SV2C: variants seen among roughly 807,000 people sequenced by gnomAD.
SV2C encodes synaptic vesicle glycoprotein 2C.
A neutral mutation model predicts 79.7 loss-of-function variants in SV2C; 49 were observed. The observed-to-expected ratio is 0.61, with a 90% CI of 0.49 to 0.78. The LOEUF (loss-of-function observed/expected upper bound fraction) is 0.78, where lower values mean the gene tolerates loss of function less well. Among genes scored for constraint, SV2C ranks in the 30% least tolerant of loss-of-function variants. SV2C has a pLI of 0.00. For synonymous variants in SV2C, 334 were observed against 333.2 expected, an observed-to-expected ratio of 1.00 and a Z score of -0.03; for missense variants, 833 against 912.9, an observed-to-expected ratio of 0.91 and a Z score of 1.13.
chr5:76,065,977 A>T, the SV2C span, among the ~76,000 whole-genome samples: 1 of 151,900 alleles, frequency 6.6e-6, no homozygotes, highest in Non-Finnish European at 1.5e-5. Flanking sequence ...TTTTTCCTTA[A>T]CCCCTCAAAT....
chr5:75,903,870 A>G, the SV2C span, among the ~76,000 whole-genome samples: 2 of 152,248 alleles, frequency 1.3e-5, no homozygotes, highest in African/African-American at 4.8e-5. Context: ...TCATGGCAGA[A>G]TTATCAACTT....
At chr5:76,322,171 TA>T (rs1476703961) in intron 12 of SV2C, among the ~76,000 whole-genome samples, 1 of 152,188 alleles carries the variant, frequency 6.6e-6, no homozygotes, top group East Asian at 1.9e-4. Context: ...AGAAAGCTGA[TA>T]AGCAACTTCA....
chr5:76,048,663 TGA>T, the SV2C span, among the ~76,000 whole-genome samples: 1,132 of 151,774 alleles, frequency 7.5e-3, 16 homozygotes, highest in African/African-American at 0.026. Context: ...TTTGAGAGCA[TGA>T]GAGAGAGCTA....
intron 9 of SV2C, among the ~76,000 whole-genome samples, chr5:76,298,282 T>A (rs778163167): frequency 1.4e-4 from 21 of 151,578 alleles, no homozygotes; most frequent in Non-Finnish European, 7.4e-5. Context: ...AGAATTCTCA[T>A]GCTCTCTCTT....
At chr5:76,008,255 G>C in the SV2C span, among the ~76,000 whole-genome samples, 1 of 152,168 alleles carries the variant, frequency 6.6e-6, no homozygotes, top group South Asian at 2.1e-4. Context: ...AACTGAAGGT[G>C]AACACTTGTC....
intron 4 of SV2C, among the ~76,000 whole-genome samples, chr5:76,234,421 T>G (rs902688342): frequency 4.6e-5 from 7 of 152,260 alleles, no homozygotes; most frequent in Non-Finnish European, 1.0e-4. Flanking sequence ...GTTCTTTCAA[T>G]GATCTTATAC....
chr5:76,261,010 T>C (rs567084073), intron 4 of SV2C, among the ~76,000 whole-genome samples: 7 of 152,360 alleles, frequency 4.6e-5, no homozygotes, highest in Non-Finnish European at 1.0e-4. Flanking sequence ...GGGAATAGCA[T>C]TGAATCTATA....
chr5:76,163,883 G>A (rs1341633903), intron 2 of SV2C, among the ~76,000 whole-genome samples: 1 of 152,166 alleles, frequency 6.6e-6, no homozygotes, highest in African/African-American at 2.4e-5. Context: ...CAAATGGAAG[G>A]AACCTCTGCA....
chr5:75,983,165 C>T, the SV2C span, among the ~76,000 whole-genome samples: 1 of 151,864 alleles, frequency 6.6e-6, no homozygotes, highest in African/African-American at 2.4e-5. Flanking sequence ...TACAACAGAC[C>T]CTCATAACAC....
the SV2C span, among the ~76,000 whole-genome samples, chr5:76,050,572 C>A: frequency 2.0e-5 from 3 of 150,732 alleles, no homozygotes; most frequent in Non-Finnish European, 4.4e-5. Context: ...AATTCTTGAT[C>A]TCTCTCTCTC....
chr5:76,126,039 G>A (rs1404518636), intron 1 of SV2C, among the ~76,000 whole-genome samples: 2 of 152,092 alleles, frequency 1.3e-5, no homozygotes, highest in Non-Finnish European at 2.9e-5. Flanking sequence ...GTGGGAGAGT[G>A]AGGCCCTGTC....
chr5:76,349,243 G>A (rs1363519797), intron 12 of SV2C, among the ~76,000 whole-genome samples: 1 of 152,218 alleles, frequency 6.6e-6, no homozygotes, highest in Non-Finnish European at 1.5e-5. Flanking sequence ...CAAGCACGGT[G>A]GCTCACGCCT....
At chr5:76,021,952 T>C in the SV2C span, among the ~76,000 whole-genome samples, 1 of 152,198 alleles carries the variant, frequency 6.6e-6, no homozygotes, top group Non-Finnish European at 1.5e-5. Flanking sequence ...TGTGTCTTCT[T>C]AAACTATTCT....
At chr5:76,034,509 T>C in the SV2C span, among the ~76,000 whole-genome samples, 1 of 152,214 alleles carries the variant, frequency 6.6e-6, no homozygotes, top group Non-Finnish European at 1.5e-5. Flanking sequence ...GAGATAATCA[T>C]GTGGTTTTTG....
the SV2C span, among the ~76,000 whole-genome samples, chr5:76,016,455 C>T: frequency 6.6e-6 from 1 of 152,064 alleles, no homozygotes; most frequent in African/African-American, 2.4e-5. Context: ...AAGGGTCTCT[C>T]ACCACAAGGG....
the SV2C span, among the ~76,000 whole-genome samples, chr5:76,025,623 T>C: frequency 6.6e-6 from 1 of 152,188 alleles, no homozygotes; most frequent in African/African-American, 2.4e-5. Flanking sequence ...TATTGAGATA[T>C]TGAGCCCCTT....
intron 2 of SV2C, among the ~76,000 whole-genome samples, chr5:76,166,911 A>G (rs10072459): frequency 0.46 from 69,930 of 152,028 alleles, 16,351 homozygotes; most frequent in South Asian, 0.52. Flanking sequence ...ATGCTTGGGT[A>G]TGGGGTTTTA....
the SV2C span, chr5:75,921,035 C>T: frequency 1.4e-6 from 1 of 726,676 alleles, no homozygotes; most frequent in Non-Finnish European, 2.5e-6. Flanking sequence ...AATCACCACC[C>T]ACCTGATGCC....
At chr5:76,127,092 C>T (rs773200830) in intron 1 of SV2C, among the ~76,000 whole-genome samples, 1 of 152,206 alleles carries the variant, frequency 6.6e-6, no homozygotes, top group Non-Finnish European at 1.5e-5. Context: ...ACTCTCCCAG[C>T]ATCCAGAAGA....
Sources: allele counts gnomAD v4.1 joint callset (sites outside exome capture counted in the v4.1 genomes callset), GRCh38; gene constraint gnomAD v4.1.1; transcripts MANE v1.5; gene names NCBI Gene and HGNC (gene_info 2026-07-23, HGNC 2026-07-21).